Variants in TRPC1 observed in about 807,000 individuals in gnomAD.
TRPC1 encodes short transient receptor potential channel 1.
In TRPC1, 42 loss-of-function variants were observed where a neutral mutation model predicts 88.2. The ratio of observed to expected loss-of-function variants is 0.48; its 90% CI spans 0.37 to 0.62. The LOEUF (loss-of-function observed/expected upper bound fraction) is 0.62, where lower values mean the gene tolerates loss of function less well. Ranked by LOEUF, TRPC1 falls within the 20% of genes least tolerant of loss-of-function variation. The pLI, the probability that TRPC1 is intolerant of heterozygous loss-of-function variation, is 0.00. For missense variants in TRPC1, 699 were observed against 957.3 expected (o/e 0.73, Z 3.56); for synonymous variants, 288 against 331.8 (o/e 0.87, Z 1.43).
chr3:142,790,152 TGGGTGAGGA>T (rs1646745873), intron 7 of TRPC1, among the ~76,000 whole-genome samples: 1 of 151,972 alleles, frequency 6.6e-6, no homozygotes, highest in South Asian at 2.1e-4. Context: ...AATGGATCTC[TGGGTGAGGA>T]GGGTCCAGCC....
intron 9 of TRPC1, among the ~76,000 whole-genome samples, chr3:142,795,442 T>TA (rs1035047182): frequency 2.0e-5 from 3 of 151,532 alleles, no homozygotes; most frequent in Non-Finnish European, 2.9e-5. Flanking sequence ...AAATCAGTGA[T>TA]AAAAAAAATC....
At chr3:142,750,899 TAACA>T (rs1272257420) in intron 4 of TRPC1, among the ~76,000 whole-genome samples, 1 of 152,096 alleles carries the variant, frequency 6.6e-6, no homozygotes, top group African/African-American at 2.4e-5. Context: ...TATACCTATG[TAACA>T]AACCTGCCAT....
At position 142,743,514 on chromosome 3, in the gene TRPC1, C is replaced by T. The variant is rs2108035728; in HGVS notation, c.357C>T (p.Asp119=). The T allele has an allele frequency of 6.6e-7, 1 of 1,521,290 alleles. No individual in the cohort carries two copies. Among genetic ancestry groups the T allele is most frequent in the Admixed American group, 2.1e-5 (1 of 48,740 alleles). 94.2% of individuals were successfully genotyped at this position (1,521,290 alleles called of 1,614,324 possible). Residue 119 remains aspartate, a synonymous_variant, in exon 3 of 13, where the codon GAC becomes GAT. Transcript: ENST00000476941. ...CAGATGCACTTTTGGTGGCAATCGA[C>T]TCTGAAGTAGTGGGAGCTGTTGATA... is the stretch of plus-strand genomic sequence containing the variant. ...QSADALLVAI[D]SEVVGAVDIL... is the part of the protein sequence containing the mutation.
At chr3:142,790,642 G>A (rs1190600170) in intron 7 of TRPC1, among the ~76,000 whole-genome samples, 7 of 152,198 alleles carry the variant, frequency 4.6e-5, no homozygotes, top group African/African-American at 9.6e-5. Context: ...GGGTGTGTAC[G>A]TGTGTGCGTG....
At chr3:142,743,725 A>G in intron 3 of TRPC1, 139 bp downstream of exon 3, 2 of 495,852 alleles carry the variant, frequency 4.0e-6, no homozygotes, top group Non-Finnish European at 6.7e-6. Flanking sequence ...TAAAATATTA[A>G]AAGTGGACAC....
chr3:142,788,064 C>T (rs1478647367), intron 7 of TRPC1, among the ~76,000 whole-genome samples: 5 of 152,106 alleles, frequency 3.3e-5, no homozygotes, highest in Admixed American at 6.6e-5. Flanking sequence ...TTGTACCAGA[C>T]CATGCATGGC....
intron 9 of TRPC1, among the ~76,000 whole-genome samples, chr3:142,801,607 T>A (rs1314594775): frequency 6.6e-6 from 1 of 152,178 alleles, no homozygotes; most frequent in Non-Finnish European, 1.5e-5. Flanking sequence ...CACCCTCATT[T>A]GGCTTGCACA....
intron 5 of TRPC1, among the ~76,000 whole-genome samples, chr3:142,778,000 C>A (rs1935840164): frequency 6.6e-6 from 1 of 152,140 alleles, no homozygotes; most frequent in South Asian, 2.1e-4. Flanking sequence ...TAATCTCTTC[C>A]CCACTTTTCA....
chr3:142,734,704 G>A (rs994319076), intron 1 of TRPC1, among the ~76,000 whole-genome samples: 5 of 152,140 alleles, frequency 3.3e-5, no homozygotes, highest in East Asian at 3.9e-4. Context: ...TTTGGAGGCC[G>A]AGGCGAGAGG....
intron 4 of TRPC1, among the ~76,000 whole-genome samples, chr3:142,749,047 G>C (rs1934657950): frequency 6.6e-6 from 1 of 152,160 alleles, no homozygotes; most frequent in African/African-American, 2.4e-5. Context: ...TTGAGAATCT[G>C]ATTTTCAGCA....
Position 142,724,522 on chromosome 3 carries a change from C to T in TRPC1, c.-38C>T. 1.4e-6 allele frequency: 2 copies of T among 1,480,740 alleles called. No homozygotes were observed. Among genetic ancestry groups the T allele is most frequent in the Non-Finnish European group, 1.8e-6 (2 of 1,122,260 alleles). The allele number at this position is 1,480,740 out of a possible 1,614,324, so 91.7% of individuals were successfully genotyped here. On this transcript the variant is annotated 5_prime_UTR_variant, in exon 1 of 13. Coordinates refer to ENST00000476941, the MANE Select transcript of TRPC1 (RefSeq NM_001251845.2). This position sits in a 1 kb window ranked among gnomAD's most constrained non-coding sequence, Gnocchi z 5.6. ...TCGGGGTCGGGGCCGGTGGGGGCCC[C>T]GCCCCCGTCTCCTGGCCTGCCCCCT...
At position 142,777,742 on chromosome 3, in the gene TRPC1, G is replaced by A. The variant is rs1935831265; in HGVS notation, c.743G>A (p.Ser248Asn). ...CTTAGTGCTGATTTAAAAGAACTAA[G>A]TCTTGTGGAGGTGGAATTCAGGTGG... Reference protein sequence around the residue: ...FELSADLKELSLVEVEFRNDY... With the variant: ...FELSADLKELNLVEVEFRNDY... Residue 248 changes from serine to asparagine, a missense_variant, in exon 5 of 13, where the codon AGT (serine) becomes AAT (asparagine). Ser to Asn is a conservative substitution (Grantham distance 46, BLOSUM62 1). Around this residue, in one of 4 missense-constraint regions of TRPC1, gnomAD observed 426 missense variants for 641.3 expected, o/e 0.66. Transcript: ENST00000476941. The A allele has an allele frequency of 6.2e-7, 1 of 1,610,410 alleles. No homozygotes were observed. Among genetic ancestry groups the A allele is most frequent in the Non-Finnish European group, 8.5e-7 (1 of 1,177,832 alleles).
chr3:142,791,172 A>G lies in TRPC1; in HGVS notation c.1437+14A>G. ...GCTCACAACAAGGTGACTATTTACT[A>G]TGTCAATTGAAGGCACAAATTAAGT... On this transcript the variant is annotated intron_variant, in intron 8 of 12. Transcript: ENST00000476941. The G allele has an allele frequency of 2.5e-6, 4 of 1,586,624 alleles. No individual in the cohort carries two copies. Among genetic ancestry groups the G allele is most frequent in the Middle Eastern group, 1.7e-4 (1 of 5,912 alleles).
At chr3:142,764,327 C>T (rs907739304) in intron 4 of TRPC1, among the ~76,000 whole-genome samples, 1 of 151,980 alleles carries the variant, frequency 6.6e-6, no homozygotes, top group African/African-American at 2.4e-5. Flanking sequence ...CTGTGTTTGT[C>T]TGTATACTTA....
chr3:142,743,859 A>G (rs1289244273), intron 3 of TRPC1, among the ~76,000 whole-genome samples: 1 of 152,126 alleles, frequency 6.6e-6, no homozygotes, highest in African/African-American at 2.4e-5. Context: ...TTGAAAATAT[A>G]GATTAGTTTG....
rs1577936091 is a variant in TRPC1 at position 142,728,465 on chromosome 3, C to T, written c.172+3734C>T. On this transcript the variant is annotated intron_variant, in intron 1 of 12. Transcript: ENST00000476941. ...TCCTGAGTGGCTGGGATTACAGGTG[C>T]CCACCACCACGCCCGGCTAATTTTT... 4.6e-5 allele frequency among the ~76,000 whole-genome samples: 7 copies of T among 152,022 alleles called. 1 individual carries two copies. The highest frequency in any genetic ancestry group is 4.6e-4 in the Admixed American group (7 of 15,252).
intron 4 of TRPC1, among the ~76,000 whole-genome samples, chr3:142,751,670 G>T (rs1041258353): frequency 1.3e-5 from 2 of 152,268 alleles, no homozygotes; most frequent in African/African-American, 4.8e-5. Context: ...AGGCAGCCTG[G>T]TGACAAACTA....
rs1321176389 is a variant in TRPC1, at chr3:142,732,270, AGGC to A, written c.173-4108_173-4106del. On this transcript the variant is annotated intron_variant, in intron 1 of 12. Transcript: ENST00000476941. ...GGAGTTAGGCTCCTACCCTCCCTGG[AGGC>A]TGAGAGATAGGGGCCCTGTCTTCAG... Among the ~76,000 whole-genome samples, 6 of 152,210 alleles carry A rather than the reference AGGC, an allele frequency of 3.9e-5. No individual in the cohort carries two copies. The South Asian group carries it at 1.2e-3, about 32-fold the overall frequency.
intron 6 of TRPC1, among the ~76,000 whole-genome samples, 184 bp downstream of exon 6, chr3:142,781,213 A>C (rs1192209944): frequency 6.6e-6 from 1 of 152,188 alleles, no homozygotes; most frequent in Non-Finnish European, 1.5e-5. Context: ...AAGAATATAT[A>C]CTAAAAGGGT....
Sources: allele counts gnomAD v4.1 joint callset (sites outside exome capture counted in the v4.1 genomes callset), GRCh38; gene constraint gnomAD v4.1.1; regional missense constraint gnomAD v4.1.1; non-coding constraint Gnocchi (gnomAD v3.1); transcripts MANE v1.5; gene names NCBI Gene and HGNC (gene_info 2026-07-23, HGNC 2026-07-21).